SCCPDH: variants seen among roughly 807,000 people sequenced by gnomAD.
The protein encoded by SCCPDH is saccharopine dehydrogenase (putative).
Under a neutral mutation model 51.5 loss-of-function variants are expected in SCCPDH, and 34 were observed. The ratio of observed to expected loss-of-function variants is 0.66; its 90% CI spans 0.50 to 0.88. The LOEUF is 0.88. Ranked by LOEUF, SCCPDH falls within the 40% of genes least tolerant of loss-of-function variation. The pLI is 0.00. For synonymous variants in SCCPDH, 187 were observed against 191.3 expected (o/e 0.98, Z 0.19); for missense variants, 464 against 527.1 (o/e 0.88, Z 1.17).
intron 4 of SCCPDH, among the ~76,000 whole-genome samples, chr1:246,741,470 A>G (rs1048487240): frequency 2.0e-5 from 3 of 152,028 alleles, no homozygotes; most frequent in Admixed American, 1.3e-4. Context: ...CTAATTTTAT[A>G]AAATTTTTGT....
intron 5 of SCCPDH, 148 bp from the exon 6 acceptor site, chr1:246,758,078 T>A (rs1668958295): frequency 1.7e-6 from 1 of 580,634 alleles, no homozygotes; most frequent in African/African-American, 1.9e-5. Flanking sequence ...TAGCTGGTCA[T>A]GAAAATTCTC....
chr1:246,746,749 G>A (rs1287926941), intron 5 of SCCPDH, among the ~76,000 whole-genome samples: 1 of 152,206 alleles, frequency 6.6e-6, no homozygotes, highest in Non-Finnish European at 1.5e-5. Context: ...ATGGAGACAG[G>A]AGAATTGCTT....
chr1:246,761,927 C>T (rs562930867), intron 9 of SCCPDH, among the ~76,000 whole-genome samples: 1 of 152,270 alleles, frequency 6.6e-6, no homozygotes, highest in East Asian at 1.9e-4. Flanking sequence ...AATGCTAGAC[C>T]GTATGTGAAT....
chr1:246,754,455 G>A (rs1292762104), intron 5 of SCCPDH, among the ~76,000 whole-genome samples: 1 of 152,242 alleles, frequency 6.6e-6, no homozygotes, highest in African/African-American at 2.4e-5. Context: ...AATTTTCAGT[G>A]CCGCAAAAGA....
At chr1:246,757,275 C>T (rs1668944831) in intron 5 of SCCPDH, among the ~76,000 whole-genome samples, 1 of 141,896 alleles carries the variant, frequency 7.0e-6, no homozygotes, top group African/African-American at 2.7e-5. Context: ...ACCTAGGAGG[C>T]AGAGGTTGCA....
chr1:246,740,790 A>G (rs933847621), intron 4 of SCCPDH, among the ~76,000 whole-genome samples: 3 of 152,164 alleles, frequency 2.0e-5, no homozygotes, highest in Admixed American at 6.5e-5. Flanking sequence ...TGGTTTAGAA[A>G]ATTACCTGAG....
chr1:246,756,465 G>A (rs1203659564), intron 5 of SCCPDH, among the ~76,000 whole-genome samples: 1 of 152,150 alleles, frequency 6.6e-6, no homozygotes, highest in Non-Finnish European at 1.5e-5. Context: ...ATTGTATTAG[G>A]TACGTCTCTA....
At chr1:246,731,143 G>A (rs1200087316) in intron 2 of SCCPDH, among the ~76,000 whole-genome samples, 1 of 152,192 alleles carries the variant, frequency 6.6e-6, no homozygotes, top group African/African-American at 2.4e-5. Flanking sequence ...CAGGGGAGAA[G>A]TGTCTCCCCG....
At chr1:246,757,923 G>A (rs966158818) in intron 5 of SCCPDH, among the ~76,000 whole-genome samples, 21 of 151,968 alleles carry the variant, frequency 1.4e-4, no homozygotes, top group Admixed American at 1.0e-3. Flanking sequence ...TGATCTTGAA[G>A]GAATATGGTC....
rs771394477 is a variant in SCCPDH, at chr1:246,724,495, G to C, written c.73G>C (p.Glu25Gln). 2 of 1,581,532 alleles carry C rather than the reference G, an allele frequency of 1.3e-6. No homozygotes were observed. The highest frequency in any genetic ancestry group is 1.7e-6 in the Non-Finnish European group (2 of 1,166,948). The change falls in exon 1 of 12, where the codon GAG becomes CAG. Residue 25 changes from glutamate (E) to glutamine (Q), a missense_variant. Transcript: ENST00000366510. ...TGGCTTCACCGGCCAGTTCGTGACC[G>C]AGGAGGTGGCCCGGGAGCAGGTGGA... ...ASGFTGQFVT[E>Q]EVAREQVDPE...
At chr1:246,734,081 A>C (rs1204135264) in intron 2 of SCCPDH, among the ~76,000 whole-genome samples, 1 of 152,178 alleles carries the variant, frequency 6.6e-6, no homozygotes, top group Non-Finnish European at 1.5e-5. Context: ...AAGTTACTGG[A>C]GTCTACCTCA....
intron 6 of SCCPDH, among the ~76,000 whole-genome samples, 198 bp from the exon 7 acceptor site, chr1:246,758,836 T>G (rs933520671): frequency 6.6e-6 from 1 of 152,168 alleles, no homozygotes; most frequent in Non-Finnish European, 1.5e-5. Context: ...TTTTTTTCTT[T>G]TGAGACAGAG....
chr1:246,766,817 C>T (rs1669091788), intron 11 of SCCPDH, among the ~76,000 whole-genome samples: 1 of 152,102 alleles, frequency 6.6e-6, no homozygotes, highest in Non-Finnish European at 1.5e-5. Flanking sequence ...TCTGTTTACA[C>T]TTTCATAATA....
At chr1:246,763,945 G>A (rs1669054239) in intron 9 of SCCPDH, among the ~76,000 whole-genome samples, 1 of 151,886 alleles carries the variant, frequency 6.6e-6, no homozygotes, top group African/African-American at 2.4e-5. Context: ...GCCTCAAATA[G>A]GTATCTAAAA....
rs1668453038 is a variant in SCCPDH at position 246,729,255 on chromosome 1, T to C, written c.303+2251T>C. ...ATAAACATCTTAACAGGAAACAGGG[T>C]ACGAGAGCAGACAACCAGTTTGACT... On this transcript the variant is annotated intron_variant, in intron 2 of 11. Coordinates refer to ENST00000366510, the MANE Select transcript of SCCPDH (RefSeq NM_016002.3). Among the ~76,000 whole-genome samples the C allele has an allele frequency of 2.0e-5, 3 of 152,108 alleles. No homozygotes were observed. The South Asian group carries it at 6.2e-4, about 32-fold the overall frequency.
chr1:246,746,130 A>AAG (rs1553273597), intron 5 of SCCPDH, among the ~76,000 whole-genome samples: 2 of 131,458 alleles, frequency 1.5e-5, no homozygotes, highest in Admixed American at 8.4e-5. Context: ...AAAAAAAAAA[A>AAG]AAGAAGGAAG....
At chr1:246,753,426 G>A (rs1050884334) in intron 5 of SCCPDH, among the ~76,000 whole-genome samples, 3 of 152,026 alleles carry the variant, frequency 2.0e-5, no homozygotes, top group South Asian at 2.1e-4. Context: ...GAGGATCCTC[G>A]AGACCTAGAC....
At chr1:246,760,871 C>G (rs1019418029) in intron 9 of SCCPDH, among the ~76,000 whole-genome samples, 3 of 152,164 alleles carry the variant, frequency 2.0e-5, no homozygotes, top group Non-Finnish European at 4.4e-5. Context: ...TTTTCCTTTT[C>G]GTTAGTCTTG....
chr1:246,738,064 T>C (rs1234231075), intron 3 of SCCPDH, among the ~76,000 whole-genome samples: 1 of 152,024 alleles, frequency 6.6e-6, no homozygotes, highest in Non-Finnish European at 1.5e-5. Context: ...AGCATGGTGG[T>C]GCACGTCTGC....
Sources: gnomAD v4.1 joint callset for allele counts (sites outside exome capture counted in the v4.1 genomes callset) on GRCh38, gnomAD v4.1.1 for gene constraint, MANE v1.5 for transcripts, NCBI Gene and HGNC (gene_info 2026-07-23, HGNC 2026-07-21) for gene names.